The following IQCM variants were observed in gnomAD, a reference collection of about 807,000 sequenced individuals.
IQCM encodes the protein IQ domain-containing protein M.
Under a neutral mutation model 57.6 loss-of-function variants are expected in IQCM, and 45 were observed. The ratio of observed to expected loss-of-function variants is 0.78; its 90% CI spans 0.62 to 1.00. The LOEUF is 1.00. Among genes scored for constraint, IQCM ranks in the 50% least tolerant of loss-of-function variants. The probability of loss-of-function intolerance (pLI) is 0.00; values close to 1 mark genes in which losing one functional copy is unlikely to be tolerated. For synonymous variants in IQCM, 148 were observed against 158.9 expected (o/e 0.93, Z 0.51); for missense variants, 468 against 511.6 (o/e 0.91, Z 0.82).
intron 2 of IQCM, among the ~76,000 whole-genome samples, chr4:149,775,917 A>G (rs1372208880): frequency 6.6e-6 from 1 of 152,180 alleles, no homozygotes; most frequent in African/African-American, 2.4e-5. Context: ...TCAGTTTTCA[A>G]TCTACCCAGG....
At chr4:149,702,332 C>CACA (rs1763837859) in intron 5 of IQCM, among the ~76,000 whole-genome samples, 1 of 133,754 alleles carries the variant, frequency 7.5e-6, no homozygotes, top group Admixed American at 7.6e-5. Flanking sequence ...ACACACACAC[C>CACA]CATAGCACAT....
intron 5 of IQCM, among the ~76,000 whole-genome samples, chr4:149,696,808 A>G (rs1369057736): frequency 6.6e-6 from 1 of 152,134 alleles, no homozygotes; most frequent in Admixed American, 6.5e-5. Context: ...GTAAGAGACA[A>G]GATAAACTAC....
chr4:149,488,832 CT>C (rs2149770198), intron 12 of IQCM, among the ~76,000 whole-genome samples: 1 of 152,210 alleles, frequency 6.6e-6, no homozygotes, highest in African/African-American at 2.4e-5. Context: ...GACACTTCAT[CT>C]CAAAAGGTAA....
At chr4:149,523,834 T>A (rs962171972) in intron 12 of IQCM, among the ~76,000 whole-genome samples, 1 of 152,108 alleles carries the variant, frequency 6.6e-6, no homozygotes, top group Non-Finnish European at 1.5e-5. Context: ...AAAAATCCAA[T>A]GATCTTCAAG....
At chr4:149,445,096 A>G (rs1474282785) in intron 12 of IQCM, among the ~76,000 whole-genome samples, 1 of 151,924 alleles carries the variant, frequency 6.6e-6, no homozygotes, top group African/African-American at 2.4e-5. Flanking sequence ...AGCATGATCA[A>G]GAGACATTTT....
At chr4:149,479,783 C>T (rs1392936730) in intron 12 of IQCM, among the ~76,000 whole-genome samples, 1 of 152,156 alleles carries the variant, frequency 6.6e-6, no homozygotes, top group Non-Finnish European at 1.5e-5. Context: ...CAACCAGGGA[C>T]AGCCTGGTGC....
At chr4:149,362,772 T>C (rs755177624) in intron 13 of IQCM, among the ~76,000 whole-genome samples, 4 of 152,198 alleles carry the variant, frequency 2.6e-5, no homozygotes, top group African/African-American at 4.8e-5. Flanking sequence ...GAACTTACGT[T>C]TTGTGTACTT....
chr4:149,537,687 G>A (rs1365949109), intron 12 of IQCM, among the ~76,000 whole-genome samples: 1 of 151,768 alleles, frequency 6.6e-6, no homozygotes, highest in African/African-American at 2.4e-5. Context: ...GAAAGACAAA[G>A]GCAAAGAGAT....
At chr4:149,391,594 C>T (rs998216374) in intron 13 of IQCM, among the ~76,000 whole-genome samples, 1 of 151,600 alleles carries the variant, frequency 6.6e-6, no homozygotes, top group Non-Finnish European at 1.5e-5. Flanking sequence ...TAGGTTGTTG[C>T]CTTGAAATCT....
intron 2 of IQCM, among the ~76,000 whole-genome samples, chr4:149,773,171 G>GA (rs1302573716): frequency 6.6e-6 from 1 of 152,242 alleles, no homozygotes; most frequent in African/African-American, 2.4e-5. Context: ...CTAACATGGT[G>GA]AAACCCCATC....
At chr4:149,639,757 CA>C (rs1391364988) in intron 7 of IQCM, among the ~76,000 whole-genome samples, 3 of 151,862 alleles carry the variant, frequency 2.0e-5, no homozygotes. Flanking sequence ...TCTAGCTCTA[CA>C]AAAAAATTAA....
chr4:149,742,668 A>G lies in IQCM; in HGVS notation c.24T>C (p.Pro8=), dbSNP rs1767569235. 7.3e-6 allele frequency: 9 copies of G among 1,231,392 alleles called. No homozygotes were observed. The highest frequency in any genetic ancestry group is 9.1e-6 in the Non-Finnish European group (9 of 987,404). The allele number at this position is 1,231,392 out of a possible 1,614,324, so 76.3% of individuals were successfully genotyped here. ...ACAGATACTCACATTTTGCTTTTTC[A>G]GGCATAGCCTCTTCAGTAGTCATGA... is the stretch of plus-strand genomic sequence containing the variant. MTTEEAM[P]EKAKCPTLEI... The change falls in exon 3 of 14, where the codon CCT becomes CCC. Residue 8 remains proline, a synonymous_variant. Coordinates refer to ENST00000636793, the MANE Select transcript of IQCM (RefSeq NM_001363507.2).
chr4:149,473,695 T>C (rs1013309875), intron 12 of IQCM, among the ~76,000 whole-genome samples: 2 of 152,156 alleles, frequency 1.3e-5, no homozygotes, highest in Non-Finnish European at 2.9e-5. Flanking sequence ...TTATGGCACT[T>C]TTCACAATAG....
At chr4:149,726,840 G>T (rs936465626) in intron 5 of IQCM, among the ~76,000 whole-genome samples, 5 of 151,910 alleles carry the variant, frequency 3.3e-5, no homozygotes, top group Non-Finnish European at 5.9e-5. Flanking sequence ...CAGCTAGAGT[G>T]CAGTGGTGCA....
At chr4:149,711,013 C>G (rs1170859443) in intron 5 of IQCM, 1 of 152,102 alleles carries the variant, frequency 6.6e-6, no homozygotes, top group Non-Finnish European at 1.5e-5. Context: ...TTGGAAGAAG[C>G]AGGAAAGTAC....
intron 3 of IQCM, among the ~76,000 whole-genome samples, chr4:149,742,423 T>G (rs928213904): frequency 5.3e-5 from 8 of 152,182 alleles, no homozygotes; most frequent in African/African-American, 7.2e-5. Context: ...ACCAGCCACA[T>G]TTCAAGGACT....
intron 12 of IQCM, among the ~76,000 whole-genome samples, chr4:149,509,636 G>A (rs1744196374): frequency 6.6e-6 from 1 of 152,198 alleles, no homozygotes; most frequent in South Asian, 2.1e-4. Flanking sequence ...GGAGATCTGA[G>A]AAAAGTCTGC....
intron 2 of IQCM, among the ~76,000 whole-genome samples, chr4:149,792,714 T>C (rs10010177): frequency 0.38 from 57,150 of 152,002 alleles, 14,023 homozygotes; most frequent in African/African-American, 0.67. Context: ...GAAGCCATAA[T>C]TAACTCCTAT....
chr4:149,720,047 G>C (rs546939730), intron 5 of IQCM, among the ~76,000 whole-genome samples: 1 of 152,272 alleles, frequency 6.6e-6, no homozygotes, highest in African/African-American at 2.4e-5. Context: ...ACATAAAGCT[G>C]ACAGAATGAC....
Sources: allele counts gnomAD v4.1 joint callset (sites outside exome capture counted in the v4.1 genomes callset), GRCh38; gene constraint gnomAD v4.1.1; transcripts MANE v1.5; gene names NCBI Gene and HGNC (gene_info 2026-07-23, HGNC 2026-07-21).